Variants in ADARB2 observed in about 807,000 individuals in gnomAD.
ADARB2 encodes inactive double-stranded RNA-specific editase B2.
In ADARB2, 25 loss-of-function variants were observed where a neutral mutation model predicts 62.2. The observed-to-expected ratio is 0.40, with a 90% CI of 0.29 to 0.56. The LOEUF is 0.56. Ranked by LOEUF, ADARB2 falls within the 20% of genes least tolerant of loss-of-function variation. The probability of loss-of-function intolerance (pLI) is 0.43; values close to 1 mark genes in which losing one functional copy is unlikely to be tolerated. For synonymous variants in ADARB2, 572 were observed against 500.8 expected, an observed-to-expected ratio of 1.14 and a Z score of -1.90; for missense variants, 1,071 against 1,077.4, an observed-to-expected ratio of 0.99 and a Z score of 0.08.
rs1330827240 is a variant in ADARB2 at position 1,270,936 on chromosome 10, G to A, written c.1192+19C>T. The stretch of plus-strand genomic sequence containing the variant: ...TCTTTAGAGATGAAAATGCCCACAG[G>A]AAAAGAGGAGGTGGCTACCTTTGGT... On this transcript the variant is annotated intron_variant, in intron 4 of 9. Transcript: ENST00000381312. 1.2e-6 allele frequency: 2 copies of A among 1,608,310 alleles called. No homozygotes were observed. The highest frequency in any genetic ancestry group is 2.2e-5 in the East Asian group (1 of 44,810).
At chr10:1,683,079 GT>G (rs1834559388) in intron 1 of ADARB2, among the ~76,000 whole-genome samples, 1 of 152,228 alleles carries the variant, frequency 6.6e-6, no homozygotes, top group Non-Finnish European at 1.5e-5. Flanking sequence ...AATGTTTTGT[GT>G]GCTTTTCATG....
intron 4 of ADARB2, among the ~76,000 whole-genome samples, chr10:1,256,262 C>G (rs1004193604): frequency 1.3e-5 from 2 of 152,242 alleles, no homozygotes; most frequent in African/African-American, 2.4e-5. Context: ...CCAACTCTCC[C>G]CGCTACTTCC....
chr10:1,441,201 T>C (rs1169328875), intron 1 of ADARB2, among the ~76,000 whole-genome samples: 1 of 152,190 alleles, frequency 6.6e-6, no homozygotes, highest in Non-Finnish European at 1.5e-5. Flanking sequence ...TAGAGAAGAA[T>C]ATCCTAGATT....
chr10:1,535,613 A>G (rs990317308), intron 1 of ADARB2: 1 of 167,494 alleles, frequency 6.0e-6, no homozygotes, highest in African/African-American at 2.4e-5. Context: ...GCTGATGGCG[A>G]GATTCCGGGC....
intron 3 of ADARB2, among the ~76,000 whole-genome samples, chr10:1,314,308 G>T (rs1831717845): frequency 6.6e-6 from 1 of 152,078 alleles, no homozygotes; most frequent in Non-Finnish European, 1.5e-5. Context: ...CACCAGCCCT[G>T]CCCACAGCTG....
chr10:1,217,490 G>A (rs572921214), intron 6 of ADARB2, among the ~76,000 whole-genome samples: 2 of 152,330 alleles, frequency 1.3e-5, no homozygotes, highest in Non-Finnish European at 2.9e-5. Flanking sequence ...ACTTGAACAC[G>A]CAGTTGGACG....
intron 3 of ADARB2, among the ~76,000 whole-genome samples, chr10:1,288,570 A>G (rs1043576797): frequency 6.6e-6 from 1 of 152,252 alleles, no homozygotes; most frequent in Non-Finnish European, 1.5e-5. Flanking sequence ...GAGGCCCCAC[A>G]ATGCGTGCTG....
chr10:1,669,755 C>T (rs550122290), intron 1 of ADARB2, among the ~76,000 whole-genome samples: 120 of 151,416 alleles, frequency 7.9e-4, no homozygotes, highest in African/African-American at 2.8e-3. Context: ...CACAGACACA[C>T]TCATAGAGAA....
rs1438927637 is a variant in ADARB2, at chr10:1,444,753, C to G, written c.101-65593G>C. On this transcript the variant is annotated intron_variant, in intron 1 of 9. Transcript: ENST00000381312. ...CTATCTATCCATCCATCCATCCACC[C>G]ATCTATCCATCCATTCACCATCCAT... Among the ~76,000 whole-genome samples the G allele has an allele frequency of 4.0e-5, 6 of 150,418 alleles. No individual in the cohort carries two copies. In the East Asian group the frequency reaches 6.0e-4, roughly 15 times the overall value.
At chr10:1,608,639 G>A (rs1833525012) in intron 1 of ADARB2, among the ~76,000 whole-genome samples, 2 of 148,960 alleles carry the variant, frequency 1.3e-5, no homozygotes, top group Admixed American at 1.4e-4. Flanking sequence ...AATGAAGGGA[G>A]GGAGGGAAGG....
At chr10:1,275,096 T>G (rs2131801405) in intron 3 of ADARB2, among the ~76,000 whole-genome samples, 1 of 152,306 alleles carries the variant, frequency 6.6e-6, no homozygotes, top group African/African-American at 2.4e-5. Context: ...CGCTCCCTTG[T>G]GGGGTCATTT....
intron 3 of ADARB2, among the ~76,000 whole-genome samples, chr10:1,285,942 T>C (rs1202439795): frequency 6.6e-6 from 1 of 152,224 alleles, no homozygotes; most frequent in Non-Finnish European, 1.5e-5. Flanking sequence ...AAATCCTGTC[T>C]TTGGGTTTAT....
intron 6 of ADARB2, among the ~76,000 whole-genome samples, chr10:1,229,862 G>GTA (rs59107324): frequency 0.11 from 17,239 of 151,470 alleles, 3,183 homozygotes; most frequent in African/African-American, 0.39. Context: ...GTGTGTGTGT[G>GTA]TGTGTGGGTA....
chr10:1,483,166 CT>C (rs542550383), intron 1 of ADARB2, among the ~76,000 whole-genome samples: 1 of 152,224 alleles, frequency 6.6e-6, no homozygotes, highest in East Asian at 1.9e-4. Flanking sequence ...CTTGGTTTCC[CT>C]TTTTTTCTAA....
At chr10:1,519,023 G>A (rs1425889974) in intron 1 of ADARB2, among the ~76,000 whole-genome samples, 1 of 150,758 alleles carries the variant, frequency 6.6e-6, no homozygotes, top group Non-Finnish European at 1.5e-5. Flanking sequence ...CACATGGTAT[G>A]GTCATACACA....
intron 1 of ADARB2, among the ~76,000 whole-genome samples, chr10:1,514,369 A>T (rs1831982366): frequency 6.6e-6 from 1 of 151,724 alleles, no homozygotes; most frequent in African/African-American, 2.4e-5. Flanking sequence ...AACAGCCGTC[A>T]GTTCTCCACT....
intron 3 of ADARB2, among the ~76,000 whole-genome samples, chr10:1,330,792 C>A (rs1359002122): frequency 6.6e-6 from 1 of 152,118 alleles, no homozygotes. Flanking sequence ...TAAAGGACAC[C>A]ATTAAGAAAA....
chr10:1,665,226 GC>G (rs1834300438), intron 1 of ADARB2, among the ~76,000 whole-genome samples: 2 of 152,170 alleles, frequency 1.3e-5, no homozygotes, highest in East Asian at 3.9e-4. Context: ...CTGGCTTATT[GC>G]CCTAGATCTT....
At chr10:1,473,948 C>T (rs370098045) in intron 1 of ADARB2, among the ~76,000 whole-genome samples, 6,284 of 148,004 alleles carry the variant, frequency 0.042, 343 homozygotes, top group South Asian at 0.1. Context: ...GGCAGGGGAC[C>T]GGGTAGTTTC....
Sources: allele counts gnomAD v4.1 joint callset (sites outside exome capture counted in the v4.1 genomes callset), GRCh38; gene constraint gnomAD v4.1.1; transcripts MANE v1.5; gene names NCBI Gene and HGNC (gene_info 2026-07-23, HGNC 2026-07-21).